The following CUX1 variants were observed in gnomAD, a reference collection of about 807,000 sequenced individuals.
CUX1 encodes protein CASP.
A neutral mutation model predicts 158.8 loss-of-function variants in CUX1; 31 were observed. The observed-to-expected ratio is 0.20, with a 90% CI of 0.15 to 0.26. CUX1 has a LOEUF of 0.26. Ranked by LOEUF, CUX1 falls within the 10% of genes least tolerant of loss-of-function variation. CUX1 has a pLI of 1.00. For synonymous variants in CUX1, 879 were observed against 862.1 expected (o/e 1.02, Z -0.34); for missense variants, 1,589 against 2,014.6 (o/e 0.79, Z 4.04).
intron 1 of CUX1, among the ~76,000 whole-genome samples, chr7:101,889,289 G>GAGAT (rs1368969262): frequency 6.8e-6 from 1 of 147,590 alleles, no homozygotes; most frequent in African/African-American, 2.5e-5. Flanking sequence ...TGCTGAGAGA[G>GAGAT]ATCGTTTCCC....
chr7:101,980,691 C>T (rs757628644), intron 2 of CUX1, among the ~76,000 whole-genome samples: 4 of 152,196 alleles, frequency 2.6e-5, no homozygotes, highest in Non-Finnish European at 5.9e-5. Flanking sequence ...CCTTCTTCTG[C>T]TCTAGGCCAG....
intron 22 of CUX1, among the ~76,000 whole-genome samples, chr7:102,234,658 G>A (rs957958043): frequency 2.6e-5 from 4 of 151,418 alleles, no homozygotes; most frequent in African/African-American, 4.9e-5. Context: ...GGCGGCTCAC[G>A]CCTGTAATCT....
chr7:101,912,857 T>A (rs1306713224), intron 1 of CUX1, among the ~76,000 whole-genome samples: 2 of 152,142 alleles, frequency 1.3e-5, no homozygotes, highest in Non-Finnish European at 2.9e-5. Context: ...CTTTGTGACT[T>A]TTTAATGCCT....
At chr7:102,216,584 CCACACACACACTCCCA>C (rs1797121276) in intron 20 of CUX1, among the ~76,000 whole-genome samples, 1 of 55,454 alleles carries the variant, frequency 1.8e-5, no homozygotes, top group African/African-American at 7.5e-5. Context: ...ACACACTCTC[CCACACACACACTCCCA>C]CACACACACA....
Position 102,253,702 on chromosome 7 carries a change from C to A in CUX1, c.*4660C>A. ...TTTGCCTTAAATGCAGTATGACAGG[C>A]GCTTCTTGGCAGACCAGTAAAAACA... On this transcript the variant is annotated 3_prime_UTR_variant, in exon 24 of 24. Coordinates refer to ENST00000292535, the MANE Select transcript of CUX1 (RefSeq NM_181552.4). 1.0e-6 allele frequency: 1 copy of A among 985,400 alleles called. No homozygotes were observed. Among genetic ancestry groups the A allele is most frequent in the Non-Finnish European group, 1.2e-6 (1 of 829,940 alleles). 61.0% of individuals were successfully genotyped at this position (985,400 alleles called of 1,614,324 possible). A position where few individuals can be genotyped will look rare whatever the true frequency, so the allele number is the denominator to read the frequency against.
chr7:102,145,975 A>T (rs1554501913), intron 8 of CUX1, among the ~76,000 whole-genome samples: 2 of 152,176 alleles, frequency 1.3e-5, no homozygotes, highest in Non-Finnish European at 2.9e-5. Context: ...ATTTTTACAA[A>T]ATAAAAATGC....
chr7:102,093,173 T>C (rs1554482880), intron 4 of CUX1, among the ~76,000 whole-genome samples: 3 of 130,470 alleles, frequency 2.3e-5, no homozygotes, highest in Admixed American at 7.5e-5. Flanking sequence ...TTTTTTTTTT[T>C]CTGAGACAGG....
intron 8 of CUX1, chr7:102,154,190 AATAAAG>A (rs1409796294): frequency 1.3e-5 from 2 of 152,216 alleles, no homozygotes; most frequent in Non-Finnish European, 2.9e-5. Flanking sequence ...AAGCCTGGAA[AATAAAG>A]ATGAAGATAT....
chr7:102,154,775 C>T (rs966099524), intron 8 of CUX1, among the ~76,000 whole-genome samples: 3 of 152,092 alleles, frequency 2.0e-5, no homozygotes, highest in Admixed American at 2.0e-4. Flanking sequence ...TAACAGTAGT[C>T]TCAAACAGAA....
At chr7:102,280,737 T>C (rs1792001016) in intron 19 of CUX1, 1 of 1,534,642 alleles carries the variant, frequency 6.5e-7, no homozygotes. Flanking sequence ...CAGGCCCTGC[T>C]CTCTGCCACA....
rs1033344033 is a variant in CUX1, at chr7:102,252,452, G to A, written c.*3410G>A. 5.1e-6 allele frequency: 5 copies of A among 985,270 alleles called. No individual in the cohort carries two copies. The highest frequency in any genetic ancestry group is 6.0e-6 in the Non-Finnish European group (5 of 829,944). 61.0% of individuals were successfully genotyped at this position (985,270 alleles called of 1,614,324 possible). A position where few individuals can be genotyped will look rare whatever the true frequency, so the allele number is the denominator to read the frequency against. Reference sequence around the variant, plus strand: ...TTTGTACCTCTCCCCTGGGGGAAACGGTTCCATATAAAACACTAACACTTA... The same window carrying A: ...TTTGTACCTCTCCCCTGGGGGAAACAGTTCCATATAAAACACTAACACTTA... On this transcript the variant is annotated 3_prime_UTR_variant, in exon 24 of 24. Transcript: ENST00000292535.
intron 22 of CUX1, chr7:102,282,916 T>G: frequency 1.0e-5 from 4 of 393,098 alleles, no homozygotes; most frequent in Non-Finnish European, 1.4e-5. Context: ...CCCCTACCCC[T>G]ACTCCCGGTA....
intron 2 of CUX1, among the ~76,000 whole-genome samples, chr7:101,982,126 T>A (rs1813525181): frequency 6.6e-6 from 1 of 152,250 alleles, no homozygotes; most frequent in African/African-American, 2.4e-5. Flanking sequence ...CTACCTGCAT[T>A]GCAGGCTGAA....
Position 102,254,248 on chromosome 7 carries a change from C to T in CUX1, c.*5206C>T, listed in dbSNP as rs1789640578. On this transcript the variant is annotated 3_prime_UTR_variant, in exon 24 of 24. Transcript: ENST00000292535. ...CCGCCTTCCTTTCTGTCCAGTCCTGCTCAGCTGTTAAGATCCATCATGGCC... is the reference window on the plus strand; with the variant it reads ...CCGCCTTCCTTTCTGTCCAGTCCTGTTCAGCTGTTAAGATCCATCATGGCC... 1.0e-6 allele frequency: 1 copy of T among 985,336 alleles called. No homozygotes were observed. Among genetic ancestry groups the T allele is most frequent in the Non-Finnish European group, 1.2e-6 (1 of 829,992 alleles). The allele number at this position is 985,336 out of a possible 1,614,324, so 61.0% of individuals were successfully genotyped here.
chr7:101,929,512 A>G (rs909950469), intron 2 of CUX1, among the ~76,000 whole-genome samples: 3 of 152,146 alleles, frequency 2.0e-5, no homozygotes, highest in African/African-American at 7.2e-5. Flanking sequence ...ACAGAAAAGC[A>G]CTCTCTGCCT....
At chr7:102,245,082 G>A (rs377505946) in intron 23 of CUX1, among the ~76,000 whole-genome samples, 5 of 152,240 alleles carry the variant, frequency 3.3e-5, no homozygotes, top group East Asian at 3.9e-4. Context: ...TCGCTCTGTC[G>A]CCGAGGCTGG....
chr7:102,267,561 G>T (rs1311155500), intron 14 of CUX1, among the ~76,000 whole-genome samples: 1 of 152,022 alleles, frequency 6.6e-6, no homozygotes. Flanking sequence ...AAAGACAGGG[G>T]CCCCTCGCGC....
Position 102,255,710 on chromosome 7 carries a change from C to T in CUX1, c.*6668C>T, listed in dbSNP as rs527657137. The T allele has an allele frequency of 4.0e-4, 397 of 985,248 alleles. No homozygotes were observed. The highest frequency in any genetic ancestry group is 4.5e-4 in the Non-Finnish European group (374 of 829,910). The allele number at this position is 985,248 out of a possible 1,614,324, so 61.0% of individuals were successfully genotyped here. A position where few individuals can be genotyped will look rare whatever the true frequency, so the allele number is the denominator to read the frequency against. On this transcript the variant is annotated 3_prime_UTR_variant, in exon 24 of 24. Coordinates refer to ENST00000292535, the MANE Select transcript of CUX1 (RefSeq NM_181552.4). ...AAATTAATCAGAAGCACAGTGTGTA[C>T]GGAAGCATTGGGACTTCTGCTGGTG...
intron 2 of CUX1, among the ~76,000 whole-genome samples, chr7:101,990,343 C>T (rs546793604): frequency 2.6e-5 from 4 of 152,102 alleles, no homozygotes; most frequent in African/African-American, 9.6e-5. Flanking sequence ...GACTGGGCAA[C>T]AGAGCCAGAC....
Sources: allele counts gnomAD v4.1 joint callset (sites outside exome capture counted in the v4.1 genomes callset), GRCh38; gene constraint gnomAD v4.1.1; transcripts MANE v1.5; gene names NCBI Gene and HGNC (gene_info 2026-07-23, HGNC 2026-07-21).